Variants in PDE11A observed in about 807,000 individuals in gnomAD.
PDE11A encodes the protein dual 3',5'-cyclic-AMP and -GMP phosphodiesterase 11A.
In PDE11A, 100 loss-of-function variants were observed where a neutral mutation model predicts 100.5. The observed-to-expected ratio is 1.00, with a 90% CI of 0.85 to 1.18. The LOEUF is 1.18. Among genes scored for constraint, PDE11A ranks in the 50% most tolerant of loss-of-function variants. The probability of loss-of-function intolerance (pLI) is 0.00; values close to 1 mark genes in which losing one functional copy is unlikely to be tolerated. For synonymous variants in PDE11A, 381 were observed against 420.8 expected (o/e 0.91, Z 1.16); for missense variants, 1,141 against 1,152.6 (o/e 0.99, Z 0.15).
At chr2:177,783,153 C>T (rs1372450256) in intron 9 of PDE11A, among the ~76,000 whole-genome samples, 1 of 152,162 alleles carries the variant, frequency 6.6e-6, no homozygotes. Flanking sequence ...CTCTTCATTT[C>T]TCATACAGAA....
chr2:178,043,915 T>C (rs1026478931), intron 1 of PDE11A, among the ~76,000 whole-genome samples: 8 of 152,180 alleles, frequency 5.3e-5, no homozygotes, highest in African/African-American at 1.9e-4. Context: ...TTATGTTACT[T>C]TGAAGAGTTA....
Position 177,681,735 on chromosome 2 carries a change from T to C in PDE11A, c.2346-832A>G, listed in dbSNP as rs569714502. Among the ~76,000 whole-genome samples, 161 of 152,302 alleles carry C rather than the reference T, an allele frequency of 1.1e-3. 1 individual carries two copies. In the Middle Eastern group the frequency reaches 0.014, roughly 13 times the overall value. On this transcript the variant is annotated intron_variant, in intron 15 of 19. Transcript: ENST00000286063. The stretch of plus-strand genomic sequence containing the variant: ...CATGATGGGAAGTGGGAGTTGGACA[T>C]GTCTCATTATTCCTTCCTCCCTTTT...
At chr2:178,073,767 T>C (rs1323741779), upstream of PDE11A, among the ~76,000 whole-genome samples, 1 of 152,222 alleles carries the variant, frequency 6.6e-6, no homozygotes, top group East Asian at 1.9e-4. Flanking sequence ...GTTAGTGATA[T>C]GTTGAAACTG....
Position 178,072,115 on chromosome 2 carries a change from C to G in PDE11A, c.323G>C (p.Gly108Ala). The G allele has an allele frequency of 6.2e-7, 1 of 1,613,724 alleles. No individual in the cohort carries two copies. The highest frequency in any genetic ancestry group is 8.5e-7 in the Non-Finnish European group (1 of 1,179,638). The change falls in exon 1 of 20, where the codon GGC becomes GCC. Residue 108 changes from glycine to alanine, a missense_variant. Physicochemically the swap from Gly to Ala is moderately conservative, Grantham distance 60. Transcript: ENST00000286063. ...LSPSWAGGSR[G>A]DGNLQRRASQ... ...AGCTCTCCGCTGCAGGTTCCCATCGCCCCTGCTGCCACCGGCCCAGCTGGG... is the reference window on the plus strand; with the variant it reads ...AGCTCTCCGCTGCAGGTTCCCATCGGCCCTGCTGCCACCGGCCCAGCTGGG...
chr2:177,967,459 A>G (rs1230259618), intron 2 of PDE11A, among the ~76,000 whole-genome samples: 1 of 151,856 alleles, frequency 6.6e-6, no homozygotes, highest in Admixed American at 6.6e-5. Flanking sequence ...CAGCCTCCCA[A>G]AAGTGTTGGG....
intron 12 of PDE11A, among the ~76,000 whole-genome samples, chr2:177,712,332 C>T (rs1236446074): frequency 5.0e-5 from 7 of 141,140 alleles, no homozygotes; most frequent in Non-Finnish European, 1.1e-4. Context: ...AGAAGGAGAA[C>T]ACAACCCTTC....
intron 5 of PDE11A, among the ~76,000 whole-genome samples, chr2:177,862,318 T>C (rs1002033144): frequency 4.6e-5 from 7 of 151,838 alleles, no homozygotes; most frequent in African/African-American, 1.7e-4. Flanking sequence ...ATAACATTGT[T>C]AGCCATTAGG....
At position 177,692,918 on chromosome 2, in the gene PDE11A, G is replaced by T. The variant is rs1357091481; in HGVS notation, c.2345+4414C>A. 5.3e-5 allele frequency among the ~76,000 whole-genome samples: 8 copies of T among 152,138 alleles called. No individual in the cohort carries two copies. The South Asian group carries it at 1.5e-3, about 28-fold the overall frequency. On this transcript the variant is annotated intron_variant, in intron 15 of 19. Coordinates refer to ENST00000286063, the MANE Select transcript of PDE11A (RefSeq NM_016953.4). ...CTTTTAGAGCATGGCAAGAAATCTT[G>T]CCTCTAGGAATGAGTCAGAAACCTG... is the stretch of plus-strand genomic sequence containing the variant.
chr2:178,086,629 C>A (rs1421994921), intron 2 of PDE11A, among the ~76,000 whole-genome samples: 1 of 152,148 alleles, frequency 6.6e-6, no homozygotes, highest in African/African-American at 2.4e-5. Context: ...AAAACTAAAT[C>A]TCTTGGTAAG....
At chr2:177,844,974 A>G (rs969595614) in intron 5 of PDE11A, among the ~76,000 whole-genome samples, 1 of 151,404 alleles carries the variant, frequency 6.6e-6, no homozygotes, top group East Asian at 1.9e-4. Context: ...CGATTTCTCA[A>G]TCTTTTCCCC....
At chr2:177,945,825 G>T (rs1332363467) in intron 2 of PDE11A, among the ~76,000 whole-genome samples, 1 of 106,354 alleles carries the variant, frequency 9.4e-6, no homozygotes, top group Admixed American at 1.2e-4. Context: ...CGGGAGGGAG[G>T]TGGGGGGGTC....
chr2:177,889,967 T>A (rs1317814222), intron 4 of PDE11A, among the ~76,000 whole-genome samples: 1 of 152,096 alleles, frequency 6.6e-6, no homozygotes, highest in African/African-American at 2.4e-5. Context: ...GGCTCTTTGT[T>A]GTGTGTTAGT....
chr2:177,675,357 G>T, intron 17 of PDE11A, 98 bp downstream of exon 17: 1 of 860,036 alleles, frequency 1.2e-6, no homozygotes, highest in Non-Finnish European at 2.0e-6. Flanking sequence ...AATTGACTAG[G>T]GTTTCAGTGC....
chr2:177,675,407 GC>G lies in PDE11A; in HGVS notation c.2487+47del, dbSNP rs369768336. ...TCTGGGAATATTGTGTCCCCCTTAC[GC>G]CCCCCAGTCCCTCCTCTGCTGAGCC... is the stretch of plus-strand genomic sequence containing the variant. On this transcript the variant is annotated intron_variant, in intron 17 of 19. Coordinates refer to ENST00000286063, the MANE Select transcript of PDE11A (RefSeq NM_016953.4). The G allele has an allele frequency of 6.6e-4, 877 of 1,329,402 alleles. 2 individuals are homozygous for G. The African/African-American group carries it at 7.4e-3, about 11-fold the overall frequency. 82.4% of individuals were successfully genotyped at this position (1,329,402 alleles called of 1,614,324 possible).
At chr2:177,753,220 G>A (rs184072284) in intron 10 of PDE11A, among the ~76,000 whole-genome samples, 6 of 152,252 alleles carry the variant, frequency 3.9e-5, no homozygotes, top group Admixed American at 3.9e-4. Context: ...AGTGCTGAGA[G>A]GGCAGATCCT....
intron 6 of PDE11A, among the ~76,000 whole-genome samples, chr2:177,823,775 A>T (rs2083182573): frequency 6.6e-6 from 1 of 152,212 alleles, no homozygotes; most frequent in Admixed American, 6.5e-5. Context: ...CCACAGCAGC[A>T]CTAGGATGGC....
chr2:178,026,618 G>A (rs1274528624), intron 1 of PDE11A, among the ~76,000 whole-genome samples: 2 of 150,006 alleles, frequency 1.3e-5, no homozygotes, highest in Admixed American at 6.7e-5. Flanking sequence ...CCGAGATTGC[G>A]CCACTGCACT....
intron 2 of PDE11A, among the ~76,000 whole-genome samples, chr2:177,946,351 G>A (rs1229744001): frequency 1.0e-4 from 13 of 125,596 alleles, no homozygotes; most frequent in Non-Finnish European, 1.9e-4. Context: ...CCCCCTGCCC[G>A]GCCAGCCGCC....
chr2:177,842,761 C>T (rs78918042), intron 5 of PDE11A, among the ~76,000 whole-genome samples: 7,202 of 152,248 alleles, frequency 0.047, 287 homozygotes, highest in African/African-American at 0.11. Context: ...ATAGCAGTGG[C>T]TTACATTTTG....
Sources: gnomAD v4.1 joint callset for allele counts (sites outside exome capture counted in the v4.1 genomes callset) on GRCh38, gnomAD v4.1.1 for gene constraint, MANE v1.5 for transcripts, NCBI Gene and HGNC (gene_info 2026-07-23, HGNC 2026-07-21) for gene names.